Variants in IGSF21 observed in about 807,000 individuals in gnomAD.
IGSF21 encodes immunoglobulin superfamily member 21.
IGSF21 carries 28 observed loss-of-function variants against 46.8 expected under a neutral mutation model. The observed-to-expected ratio is 0.60, with a 90% CI of 0.44 to 0.82. The LOEUF is 0.82. Ranked by LOEUF, IGSF21 falls within the 40% of genes least tolerant of loss-of-function variation. IGSF21 has a pLI of 0.00. For missense variants in IGSF21, 624 were observed against 665.5 expected, an observed-to-expected ratio of 0.94 and a Z score of 0.69; for synonymous variants, 284 against 273.6, an observed-to-expected ratio of 1.04 and a Z score of -0.38.
chr1:18,111,965 C>T (rs2086149055), intron 1 of IGSF21: 1 of 152,206 alleles, frequency 6.6e-6, no homozygotes, highest in African/African-American at 2.4e-5. Flanking sequence ...TATTTCAGAA[C>T]GTCAGTCACA....
intron 2 of IGSF21, among the ~76,000 whole-genome samples, chr1:18,239,712 G>T (rs1459194519): frequency 6.6e-6 from 1 of 151,914 alleles, no homozygotes; most frequent in Non-Finnish European, 1.5e-5. Flanking sequence ...CCTCCATCTG[G>T]TCAACTCCTA....
chr1:18,227,111 A>T (rs983510280), intron 1 of IGSF21, among the ~76,000 whole-genome samples: 13 of 151,514 alleles, frequency 8.6e-5, no homozygotes, highest in African/African-American at 3.2e-4. Context: ...ATGAGTTCAG[A>T]CTCCTCCCCA....
chr1:18,251,778 G>A (rs994657616), intron 2 of IGSF21, among the ~76,000 whole-genome samples: 3 of 152,054 alleles, frequency 2.0e-5, no homozygotes, highest in Admixed American at 1.3e-4. Flanking sequence ...GAGCTAAGAG[G>A]CTCTCCTAGT....
In IGSF21 at chr1:18,334,801, G is replaced by T. The variant is rs1033362995; in HGVS notation, c.306-91G>T. 3 of 885,294 alleles carry T rather than the reference G, an allele frequency of 3.4e-6. No individual in the cohort carries two copies. Among genetic ancestry groups the T allele is most frequent in the African/African-American group, 1.6e-5 (1 of 61,274 alleles). 54.8% of individuals were successfully genotyped at this position (885,294 alleles called of 1,614,324 possible). A position where few individuals can be genotyped will look rare whatever the true frequency, so the allele number is the denominator to read the frequency against. ...AGGCCTGTGTTTGTTAGTGGAGGCT[G>T]CACCAGTGGGCATCAGGATGAGTTT... is the stretch of plus-strand genomic sequence containing the variant. On this transcript the variant is annotated intron_variant, in intron 3 of 9. Coordinates refer to ENST00000251296, the MANE Select transcript of IGSF21 (RefSeq NM_032880.5). This position sits in a 1 kb window ranked among gnomAD's most constrained non-coding sequence, Gnocchi z 4.3.
intron 3 of IGSF21, among the ~76,000 whole-genome samples, chr1:18,298,500 T>A (rs2085332531): frequency 6.6e-6 from 1 of 152,190 alleles, no homozygotes; most frequent in Admixed American, 6.5e-5. Context: ...TTCCATTTCC[T>A]GAAGCATCCT....
intron 3 of IGSF21, among the ~76,000 whole-genome samples, chr1:18,295,674 C>T (rs2085305603): frequency 6.6e-6 from 1 of 152,168 alleles, no homozygotes; most frequent in African/African-American, 2.4e-5. Flanking sequence ...CCACCCTGCC[C>T]ACTTCCTCTT....
intron 3 of IGSF21, among the ~76,000 whole-genome samples, chr1:18,305,546 TGATGGATGGATG>T (rs151122242): frequency 2.4e-5 from 3 of 123,786 alleles, no homozygotes; most frequent in Admixed American, 7.9e-5. Context: ...GATGGATGGA[TGATGGATGGATG>T]GATGGATGGA....
chr1:18,112,237 A>T (rs528961290), intron 1 of IGSF21: 22 of 152,358 alleles, frequency 1.4e-4, no homozygotes, highest in African/African-American at 5.1e-4. Flanking sequence ...GCCACCAGGA[A>T]TTCATTTATT....
At chr1:18,295,999 T>C (rs779200868) in intron 3 of IGSF21, among the ~76,000 whole-genome samples, 15 of 152,174 alleles carry the variant, frequency 9.9e-5, no homozygotes, top group South Asian at 2.1e-4. Flanking sequence ...AGCGGGCAGT[T>C]CTGGGTATGC....
intron 4 of IGSF21, among the ~76,000 whole-genome samples, chr1:18,356,517 C>A (rs2086020426): frequency 6.6e-6 from 1 of 152,220 alleles, no homozygotes; most frequent in African/African-American, 2.4e-5. Flanking sequence ...CCTTACACTG[C>A]TCATTCTGTT....
At chr1:18,377,091 T>G (rs2086290927) in intron 8 of IGSF21, 99 bp downstream of exon 8, 12 of 1,339,958 alleles carry the variant, frequency 9.0e-6, no homozygotes, top group Non-Finnish European at 1.2e-5. Context: ...GCCCAAAATT[T>G]TGGGCCTAAA....
chr1:18,146,861 G>A (rs2086471384), intron 1 of IGSF21, among the ~76,000 whole-genome samples: 1 of 152,126 alleles, frequency 6.6e-6, no homozygotes, highest in Non-Finnish European at 1.5e-5. Flanking sequence ...AGACTCAGAG[G>A]GGTTAAGTGA....
At chr1:18,190,771 C>T (rs946160556) in intron 1 of IGSF21, among the ~76,000 whole-genome samples, 1 of 152,204 alleles carries the variant, frequency 6.6e-6, no homozygotes, top group East Asian at 1.9e-4. Flanking sequence ...GATTTGTGAG[C>T]TTGTAAAACA....
rs151122242 is a variant in IGSF21, at chr1:18,305,546, TGATG to T, written c.305+13587_305+13590del. 1.3e-3 allele frequency among the ~76,000 whole-genome samples: 164 copies of T among 123,894 alleles called. 1 individual carries two copies. Among genetic ancestry groups the T allele is most frequent in the African/African-American group, 4.2e-3 (142 of 33,748 alleles). The allele number at this position is 123,894 out of a possible 152,430, so 81.3% of individuals were successfully genotyped here. ...GATGGATTATGAATGGATGGATGGA[TGATG>T]GATGGATGGATGGATGGATGGATGG... On this transcript the variant is annotated intron_variant, in intron 3 of 9. Coordinates refer to ENST00000251296, the MANE Select transcript of IGSF21 (RefSeq NM_032880.5).
intron 1 of IGSF21, among the ~76,000 whole-genome samples, chr1:18,164,112 A>G (rs1307172811): frequency 6.6e-6 from 1 of 152,202 alleles, no homozygotes; most frequent in Non-Finnish European, 1.5e-5. Context: ...CTCCATCTGT[A>G]TAGCATTCTA....
intron 6 of IGSF21, among the ~76,000 whole-genome samples, chr1:18,371,736 C>T (rs1381527583): frequency 1.3e-5 from 2 of 152,154 alleles, no homozygotes; most frequent in African/African-American, 4.8e-5. Context: ...GGCCTCTGCT[C>T]GAGTCCTCTA....
chr1:18,321,897 C>T (rs2085605077), intron 3 of IGSF21, among the ~76,000 whole-genome samples: 1 of 152,164 alleles, frequency 6.6e-6, no homozygotes, highest in Non-Finnish European at 1.5e-5. Context: ...AAGCAACATC[C>T]CTGTGACTCA....
intron 1 of IGSF21, among the ~76,000 whole-genome samples, chr1:18,197,038 G>T (rs2087016397): frequency 6.6e-6 from 1 of 152,220 alleles, no homozygotes; most frequent in Non-Finnish European, 1.5e-5. Context: ...CTTCGCTAGA[G>T]AGCGAAAGAG....
intron 1 of IGSF21, among the ~76,000 whole-genome samples, chr1:18,211,590 T>C (rs1398696497): frequency 6.6e-6 from 1 of 152,228 alleles, no homozygotes; most frequent in East Asian, 1.9e-4. Flanking sequence ...AGCCCAGCAA[T>C]TAATTCGTAT....
Sources: gnomAD v4.1 joint callset for allele counts (sites outside exome capture counted in the v4.1 genomes callset) on GRCh38, gnomAD v4.1.1 for gene constraint, Gnocchi (gnomAD v3.1) non-coding constraint, MANE v1.5 for transcripts, NCBI Gene and HGNC (gene_info 2026-07-23, HGNC 2026-07-21) for gene names.